ATCAY: variants seen among roughly 807,000 people sequenced by gnomAD.
The protein encoded by ATCAY is ATCAY kinesin light chain interacting caytaxin.
A neutral mutation model predicts 47.7 loss-of-function variants in ATCAY; 22 were observed. The observed-to-expected ratio is 0.46, with a 90% confidence interval of 0.33 to 0.66. ATCAY has a LOEUF of 0.66. Among genes scored for constraint, ATCAY ranks in the 30% least tolerant of loss-of-function variants. The probability of loss-of-function intolerance (pLI) is 0.02; values close to 1 mark genes in which losing one functional copy is unlikely to be tolerated. For synonymous variants in ATCAY, 216 were observed against 207.6 expected (o/e 1.04, Z -0.35); for missense variants, 452 against 515.0 (o/e 0.88, Z 1.18).
chr19:3,911,487 G>A (rs764937165), intron 8 of ATCAY, among the ~76,000 whole-genome samples: 6 of 151,876 alleles, frequency 4.0e-5, no homozygotes, highest in Non-Finnish European at 7.4e-5. Context: ...TCACTCCACT[G>A]CACTCCAGCC....
At chr19:3,895,061 T>A (rs78093106) in intron 2 of ATCAY, 1 of 448,990 alleles carries the variant, frequency 2.2e-6, no homozygotes, top group Non-Finnish European at 4.5e-6. Context: ...TTCTTTGCCG[T>A]AAGCATCACT....
intron 2 of ATCAY, chr19:3,895,281 C>T: frequency 4.4e-6 from 2 of 453,320 alleles, no homozygotes; most frequent in Non-Finnish European, 8.9e-6. Context: ...ATGGCACGAT[C>T]TCAGCTCACT....
At position 3,924,837 on chromosome 19, in the gene ATCAY, AC is replaced by A; in HGVS notation, c.*248del. The A allele has an allele frequency of 2.0e-6, 1 of 507,752 alleles. No homozygotes were observed. The highest frequency in any genetic ancestry group is 3.5e-6 in the Non-Finnish European group (1 of 283,312). 31.5% of individuals were successfully genotyped at this position (507,752 alleles called of 1,614,324 possible). On this transcript the variant is annotated 3_prime_UTR_variant, in exon 13 of 13. Coordinates refer to ENST00000450849, the MANE Select transcript of ATCAY (RefSeq NM_033064.5). ...AAAAGGGCCCAGCTCTGAGCCCCTC[AC>A]CCTTCCACACTCACGAACTCTCAGC...
intron 2 of ATCAY, among the ~76,000 whole-genome samples, chr19:3,899,750 C>T (rs998332479): frequency 6.6e-6 from 1 of 152,126 alleles, no homozygotes; most frequent in East Asian, 1.9e-4. Context: ...GGAGTCAGCA[C>T]GCCCTGCCGC....
At chr19:3,882,048 G>A (rs1312173134) in intron 1 of ATCAY, among the ~76,000 whole-genome samples, 4 of 152,020 alleles carry the variant, frequency 2.6e-5, no homozygotes, top group Admixed American at 2.0e-4. Context: ...TCATCTGGCT[G>A]AGGCTGCCTC....
chr19:3,917,610 A>AG (rs1555769860), intron 9 of ATCAY, 132 bp from the exon 10 acceptor site: 5,174 of 497,670 alleles, frequency 0.01, 92 homozygotes, highest in East Asian at 0.019. Context: ...AAAAAAAAAA[A>AG]GGAAGAAGAA....
rs1006962260 is a variant in ATCAY at position 3,892,814 on chromosome 19, A to C, written c.77+6970A>C. ...TCCCAGCTACTGGGGAGGCTGAAGC[A>C]GGAGAATTGCTTAAACCCAGGAGGC... is the stretch of plus-strand genomic sequence containing the variant. On this transcript the variant is annotated intron_variant, in intron 2 of 12. Transcript: ENST00000450849. 3.3e-5 allele frequency among the ~76,000 whole-genome samples: 5 copies of C among 152,122 alleles called. No homozygotes were observed. The South Asian group carries it at 1.0e-3, about 32-fold the overall frequency.
intron 5 of ATCAY, 44 bp from the exon 6 acceptor site, chr19:3,908,224 C>A: frequency 6.7e-7 from 1 of 1,503,732 alleles, no homozygotes; most frequent in Non-Finnish European, 9.1e-7. Context: ...CAGCTCAGGG[C>A]TGGGAGAGGA....
chr19:3,912,829 G>C (rs1355243041), intron 8 of ATCAY, among the ~76,000 whole-genome samples: 1 of 151,786 alleles, frequency 6.6e-6, no homozygotes, highest in African/African-American at 2.4e-5. Flanking sequence ...AGGCTGTAGT[G>C]AGCCATGATT....
At chr19:3,892,078 T>A (rs969682865) in intron 2 of ATCAY, among the ~76,000 whole-genome samples, 2 of 151,830 alleles carry the variant, frequency 1.3e-5, no homozygotes, top group Admixed American at 6.6e-5. Flanking sequence ...TTAGCAGAGA[T>A]GGGGTTTCAC....
intron 2 of ATCAY, among the ~76,000 whole-genome samples, chr19:3,889,013 T>C (rs1204394023): frequency 6.6e-6 from 1 of 152,000 alleles, no homozygotes; most frequent in Non-Finnish European, 1.5e-5. Flanking sequence ...CTGATGTCTG[T>C]AATCCCAGCT....
intron 3 of ATCAY, among the ~76,000 whole-genome samples, chr19:3,904,151 TAAACA>T (rs1331318436): frequency 6.6e-6 from 1 of 151,898 alleles, no homozygotes; most frequent in Non-Finnish European, 1.5e-5. Context: ...AGACTCTGTC[TAAACA>T]AAACAAAACA....
At chr19:3,883,447 C>G (rs2038620825) in intron 1 of ATCAY, among the ~76,000 whole-genome samples, 1 of 152,158 alleles carries the variant, frequency 6.6e-6, no homozygotes, top group Non-Finnish European at 1.5e-5. Context: ...ATAATGACTG[C>G]CGGACACAGG....
intron 4 of ATCAY, among the ~76,000 whole-genome samples, chr19:3,906,684 G>A (rs1446061262): frequency 1.3e-5 from 2 of 151,998 alleles, no homozygotes; most frequent in African/African-American, 4.8e-5. Context: ...AATCTCAAAG[G>A]CGACCAAGAT....
At chr19:3,923,264 G>A (rs1391464384) in intron 12 of ATCAY, among the ~76,000 whole-genome samples, 1 of 152,156 alleles carries the variant, frequency 6.6e-6, no homozygotes. Flanking sequence ...GAAAACACAA[G>A]GAAATCATCC....
intron 2 of ATCAY, among the ~76,000 whole-genome samples, chr19:3,896,799 C>T (rs1442780732): frequency 4.0e-5 from 6 of 150,996 alleles, no homozygotes; most frequent in East Asian, 1.9e-4. Flanking sequence ...TGTTTTGAGA[C>T]GGAGTCTCGC....
rs963891465 is a variant in ATCAY at position 3,896,334 on chromosome 19, C to T, written c.78-6153C>T. ...TCAGGCTGGAGTGCAGTGGCACGGT[C>T]TCAGCTCACTGCAACCTCCACCTCC... is the stretch of plus-strand genomic sequence containing the variant. On this transcript the variant is annotated intron_variant, in intron 2 of 12. Transcript: ENST00000450849. 2.0e-5 allele frequency among the ~76,000 whole-genome samples: 3 copies of T among 150,968 alleles called. No homozygotes were observed. In the East Asian group the frequency reaches 5.9e-4, roughly 30 times the overall value.
chr19:3,920,264 G>C (rs1335453742), intron 11 of ATCAY: 1 of 152,262 alleles, frequency 6.6e-6, no homozygotes, highest in East Asian at 1.9e-4. Flanking sequence ...AGGATCACTT[G>C]AGCCCGGAGC....
chr19:3,894,998 G>T, intron 2 of ATCAY: 4 of 334,502 alleles, frequency 1.2e-5, no homozygotes, highest in Non-Finnish European at 1.8e-5. Context: ...GGCCTTCCCT[G>T]ACCACCCCAC....
Sources: gnomAD v4.1 joint callset for allele counts (sites outside exome capture counted in the v4.1 genomes callset) on GRCh38, gnomAD v4.1.1 for gene constraint, MANE v1.5 for transcripts, NCBI Gene and HGNC (gene_info 2026-07-23, HGNC 2026-07-21) for gene names.